Variants in CCL28 observed in about 807,000 individuals in gnomAD.
CCL28 encodes C-C motif chemokine 28.
CCL28 carries 4 observed loss-of-function variants against 7.1 expected under a neutral mutation model. The ratio of observed to expected loss-of-function variants is 0.56; its 90% CI spans 0.28 to 1.29. The LOEUF is 1.29. Among genes scored for constraint, CCL28 ranks in the 50% most tolerant of loss-of-function variants. The probability of loss-of-function intolerance (pLI) is 0.11; values close to 1 mark genes in which losing one functional copy is unlikely to be tolerated. For synonymous variants in CCL28, 55 were observed against 57.8 expected (o/e 0.95, Z 0.22); for missense variants, 151 against 163.4 (o/e 0.92, Z 0.41).
chr5:43,373,041 T>C (rs1351148563), downstream of CCL28, among the ~76,000 whole-genome samples: 4 of 152,034 alleles, frequency 2.6e-5, no homozygotes, highest in Non-Finnish European at 5.9e-5. Flanking sequence ...CCTCAGGTGA[T>C]CCACCCACCT....
the CCL28 span, among the ~76,000 whole-genome samples, chr5:43,365,464 A>C: frequency 2.0e-5 from 3 of 152,076 alleles, no homozygotes; most frequent in Admixed American, 6.6e-5. Context: ...CATAATGTCG[A>C]TGGTCTTTAT....
rs773484562 is a variant in CCL28 at position 43,412,288 on chromosome 5, G to A, written c.29C>T (p.Ala10Val). Residue 10 changes from alanine to valine, a missense_variant, in exon 1 of 3, where the codon GCC (alanine) becomes GTC (valine). Ala to Val is a moderately conservative substitution (Grantham distance 64). Coordinates refer to ENST00000361115, the MANE Select transcript of CCL28 (RefSeq NM_148672.3). MQQRGLAIV[A>V]LAVCAALHAS... ...ATGTAGGGCCGCACAGACAGCCAAG[G>A]CCACGATGGCGAGTCCTCTCTGCTG... The A allele has an allele frequency of 6.2e-7, 1 of 1,612,978 alleles. No homozygotes were observed. The highest frequency in any genetic ancestry group is 8.5e-7 in the Non-Finnish European group (1 of 1,179,480).
the CCL28 span, among the ~76,000 whole-genome samples, chr5:43,364,169 G>A: frequency 6.6e-6 from 1 of 151,870 alleles, no homozygotes; most frequent in African/African-American, 2.4e-5. Flanking sequence ...CTACTCCATA[G>A]GCAAAGCAGA....
intron 1 of CCL28, among the ~76,000 whole-genome samples, chr5:43,391,374 A>G (rs1199610093): frequency 1.3e-5 from 2 of 152,238 alleles, no homozygotes; most frequent in African/African-American, 2.4e-5. Flanking sequence ...TTGAGGCCAG[A>G]CAGCTTTATA....
chr5:43,389,913 A>C (rs1740503771), intron 1 of CCL28, among the ~76,000 whole-genome samples: 1 of 152,332 alleles, frequency 6.6e-6, no homozygotes, highest in African/African-American at 2.4e-5. Context: ...GTAGTTCCGA[A>C]TAGGGCAACT....
At position 43,381,953 on chromosome 5, in the gene CCL28, A is replaced by C. The variant is rs748759096; in HGVS notation, c.291T>G (p.Asn97Lys). ...CATGGTGTTTCTTCCTGTGGCAAAC[A>C]TTTCCTTTACCATTTTTCTTGGCAG... ...VQAAKKNGKG[N>K]VCHRKKHHGK... Residue 97 changes from asparagine to lysine, a missense_variant, in exon 3 of 3, where the codon AAT (asparagine) becomes AAG (lysine). By Grantham distance (94) the Asn-to-Lys change is moderately conservative (BLOSUM62 0). Coordinates refer to ENST00000361115, the MANE Select transcript of CCL28 (RefSeq NM_148672.3). 6.2e-7 allele frequency: 1 copy of C among 1,613,906 alleles called. No homozygotes were observed. The highest frequency in any genetic ancestry group is 1.3e-5 in the African/African-American group (1 of 74,870).
intron 1 of CCL28, among the ~76,000 whole-genome samples, chr5:43,403,500 C>T (rs10473309): frequency 0.046 from 7,011 of 152,194 alleles, 226 homozygotes; most frequent in East Asian, 0.084. Context: ...CACACCAAAA[C>T]CCCATCTGTA....
chr5:43,397,794 T>C (rs1271917191), intron 1 of CCL28, among the ~76,000 whole-genome samples: 1 of 152,232 alleles, frequency 6.6e-6, no homozygotes, highest in African/African-American at 2.4e-5. Flanking sequence ...AACTTTTTGC[T>C]TAAATCATAT....
the CCL28 span, among the ~76,000 whole-genome samples, chr5:43,371,120 A>T: frequency 6.6e-6 from 1 of 152,180 alleles, no homozygotes; most frequent in Admixed American, 6.6e-5. Context: ...ATGGAGGAAC[A>T]TATAAGTTAC....
At chr5:43,388,501 G>A (rs1740433958) in intron 1 of CCL28, 25 bp from the exon 2 acceptor site, 14 of 1,609,996 alleles carry the variant, frequency 8.7e-6, no homozygotes, top group Non-Finnish European at 1.2e-5. Flanking sequence ...GAAAGAAAAT[G>A]TTAAATTTTA....
chr5:43,374,476 A>T (rs1216736092), downstream of CCL28, among the ~76,000 whole-genome samples: 1 of 152,184 alleles, frequency 6.6e-6, no homozygotes, highest in Non-Finnish European at 1.5e-5. Context: ...AGTTCTATTT[A>T]TTCTGTGATA....
chr5:43,382,007 A>C lies in CCL28; in HGVS notation c.237T>G (p.His79Gln). The change falls in exon 3 of 3, where the codon CAT becomes CAG. Residue 79 changes from histidine (H) to glutamine (Q), a missense_variant. By Grantham distance (24) the His-to-Gln change is conservative. Transcript: ENST00000361115. ...RRRICVSPHN[H>Q]TVKQWMKVQA... ...GCACTTTCATCCACTGCTTAACAGTATGGTTGTGCGGGCTGACACAGATTC... is the reference window on the plus strand; with the variant it reads ...GCACTTTCATCCACTGCTTAACAGTCTGGTTGTGCGGGCTGACACAGATTC... The C allele has an allele frequency of 6.2e-7, 1 of 1,614,048 alleles. No individual in the cohort carries two copies. The highest frequency in any genetic ancestry group is 2.2e-5 in the East Asian group (1 of 44,880).
chr5:43,392,684 G>C (rs1040556403), intron 1 of CCL28, among the ~76,000 whole-genome samples: 1 of 152,162 alleles, frequency 6.6e-6, no homozygotes, highest in Non-Finnish European at 1.5e-5. Flanking sequence ...TTGCCAATCT[G>C]ATGGGGTTGA....
At chr5:43,387,553 G>GATATTTCCTGTGA (rs1740388828) in intron 2 of CCL28, among the ~76,000 whole-genome samples, 2 of 152,206 alleles carry the variant, frequency 1.3e-5, no homozygotes, top group Non-Finnish European at 2.9e-5. Context: ...ATTGCATATA[G>GATATTTCCTGTGA]CACTGTGACA....
chr5:43,406,315 C>T (rs1424517256), intron 1 of CCL28, among the ~76,000 whole-genome samples: 6 of 152,104 alleles, frequency 3.9e-5, no homozygotes, highest in Non-Finnish European at 7.4e-5. Flanking sequence ...AAGTGGGCTT[C>T]ATCCCTGGGA....
At chr5:43,369,222 G>A in the CCL28 span, among the ~76,000 whole-genome samples, 2 of 152,106 alleles carry the variant, frequency 1.3e-5, no homozygotes, top group South Asian at 4.1e-4. Context: ...TTAAGGGCCT[G>A]AACACTAGAA....
At chr5:43,382,102 A>G in intron 2 of CCL28, 50 bp from the exon 3 acceptor site, 1 of 1,529,570 alleles carries the variant, frequency 6.5e-7, no homozygotes, top group Non-Finnish European at 8.9e-7. Flanking sequence ...ACATATATAA[A>G]TAATCACTTA....
chr5:43,358,245 T>G, the CCL28 span, among the ~76,000 whole-genome samples: 2,080 of 152,318 alleles, frequency 0.014, 149 homozygotes, highest in East Asian at 0.2. Context: ...TGGCTTTTGT[T>G]TGGAATTCTA....
chr5:43,406,275 A>C (rs1264881290), intron 1 of CCL28, among the ~76,000 whole-genome samples: 1 of 152,158 alleles, frequency 6.6e-6, no homozygotes, highest in Non-Finnish European at 1.5e-5. Context: ...CAAATCCAGC[A>C]GTACATCAAA....
Sources: gnomAD v4.1 joint callset for allele counts (sites outside exome capture counted in the v4.1 genomes callset) on GRCh38, gnomAD v4.1.1 for gene constraint, MANE v1.5 for transcripts, NCBI Gene and HGNC (gene_info 2026-07-23, HGNC 2026-07-21) for gene names.